TLL1: variants seen among roughly 807,000 people sequenced by gnomAD.
TLL1 encodes the protein tolloid like 1, also known as tolloid-like protein 1.
TLL1 carries 49 observed loss-of-function variants against 128.2 expected under a neutral mutation model. That is an observed-to-expected ratio of 0.38 (90% CI 0.30 to 0.48). The LOEUF (loss-of-function observed/expected upper bound fraction) is 0.48, where lower values mean the gene tolerates loss of function less well. Ranked by LOEUF, TLL1 falls within the 20% of genes least tolerant of loss-of-function variation. TLL1 has a pLI of 0.96. For missense variants in TLL1, 1,123 were observed against 1,242.0 expected (o/e 0.90, Z 1.44); for synonymous variants, 454 against 418.8 (o/e 1.08, Z -1.03).
At chr4:165,943,719 T>C (rs1399361692) in intron 1 of TLL1, among the ~76,000 whole-genome samples, 1 of 152,080 alleles carries the variant, frequency 6.6e-6, no homozygotes, top group Non-Finnish European at 1.5e-5. Flanking sequence ...TGAAAAAAAA[T>C]GCATCTACTA....
At chr4:165,971,191 A>C (rs1332167247) in intron 1 of TLL1, among the ~76,000 whole-genome samples, 1 of 152,186 alleles carries the variant, frequency 6.6e-6, no homozygotes, top group Non-Finnish European at 1.5e-5. Context: ...CCCCGCTAAG[A>C]TTATTCAGTG....
At chr4:166,052,906 T>C (rs1739810905) in intron 12 of TLL1, among the ~76,000 whole-genome samples, 1 of 142,052 alleles carries the variant, frequency 7.0e-6, no homozygotes, top group Non-Finnish European at 1.5e-5. Flanking sequence ...TGTTCTCATA[T>C]TTATAGAGAA....
intron 1 of TLL1, among the ~76,000 whole-genome samples, chr4:165,882,904 G>T (rs1305084641): frequency 6.6e-6 from 1 of 151,866 alleles, no homozygotes; most frequent in Non-Finnish European, 1.5e-5. Flanking sequence ...TGAGCAGTTT[G>T]CTGGGTGAAC....
At chr4:166,023,213 A>G (rs928024423) in intron 8 of TLL1, among the ~76,000 whole-genome samples, 11 of 152,322 alleles carry the variant, frequency 7.2e-5, no homozygotes, top group African/African-American at 2.4e-4. Flanking sequence ...AGCCTGTCCA[A>G]CATGGTGAAA....
At chr4:166,045,679 C>T (rs540280142) in intron 12 of TLL1, among the ~76,000 whole-genome samples, 1 of 152,202 alleles carries the variant, frequency 6.6e-6, no homozygotes, top group Non-Finnish European at 1.5e-5. Flanking sequence ...TTATCATGGG[C>T]CACGGTACTT....
chr4:165,941,592 A>C (rs192083944), intron 1 of TLL1, among the ~76,000 whole-genome samples: 127 of 152,272 alleles, frequency 8.3e-4, no homozygotes, highest in African/African-American at 2.8e-3. Flanking sequence ...ATTACTCCTT[A>C]ACAAATTGTT....
intron 1 of TLL1, among the ~76,000 whole-genome samples, chr4:165,954,999 G>A (rs942257014): frequency 1.3e-5 from 2 of 152,082 alleles, no homozygotes; most frequent in Admixed American, 6.6e-5. Context: ...TTAAGATTCA[G>A]GAGAAAGTTG....
At chr4:166,018,670 A>G (rs1359802830) in intron 8 of TLL1, among the ~76,000 whole-genome samples, 1 of 152,192 alleles carries the variant, frequency 6.6e-6, no homozygotes, top group East Asian at 1.9e-4. Flanking sequence ...TCTCAAAAGA[A>G]GAGATACAAT....
At chr4:166,051,716 C>T (rs559794880) in intron 12 of TLL1, among the ~76,000 whole-genome samples, 12 of 152,018 alleles carry the variant, frequency 7.9e-5, no homozygotes, top group African/African-American at 1.4e-4. Context: ...AGGTAATTGA[C>T]GAGATATCTA....
chr4:166,012,499 C>T (rs539513019), intron 7 of TLL1, among the ~76,000 whole-genome samples: 1 of 150,122 alleles, frequency 6.7e-6, no homozygotes, highest in South Asian at 2.1e-4. Context: ...AGGAAAAAAT[C>T]GAACCCCAGA....
chr4:165,914,908 C>T (rs545987715), intron 1 of TLL1, among the ~76,000 whole-genome samples: 3 of 152,154 alleles, frequency 2.0e-5, no homozygotes, highest in East Asian at 1.9e-4. Context: ...GACATCAGAT[C>T]GGTACTTCTA....
At chr4:166,068,579 C>T (rs541904968) in intron 16 of TLL1, among the ~76,000 whole-genome samples, 2 of 151,902 alleles carry the variant, frequency 1.3e-5, no homozygotes, top group Admixed American at 1.3e-4. Flanking sequence ...GATTTATTGT[C>T]ACAAATTCTA....
chr4:165,909,152 A>G (rs371491895), intron 1 of TLL1, among the ~76,000 whole-genome samples: 1 of 152,068 alleles, frequency 6.6e-6, no homozygotes, highest in African/African-American at 2.4e-5. Context: ...GTGCCACTGC[A>G]CTCCAGTCTG....
chr4:165,903,236 G>T (rs572077880), intron 1 of TLL1, among the ~76,000 whole-genome samples: 1 of 152,074 alleles, frequency 6.6e-6, no homozygotes, highest in South Asian at 2.1e-4. Context: ...TACTCAGGAG[G>T]CTGAGGCAGG....
intron 12 of TLL1, among the ~76,000 whole-genome samples, chr4:166,043,720 T>G (rs28678725): frequency 0.044 from 6,652 of 152,218 alleles, 498 homozygotes; most frequent in African/African-American, 0.15. Context: ...TTCACAAGAG[T>G]GTCCATTAAG....
rs369232332 is a variant in TLL1, at chr4:166,100,943, C to A, written c.*67C>A. 6 of 1,574,202 alleles carry A rather than the reference C, an allele frequency of 3.8e-6. No individual in the cohort carries two copies. The highest frequency in any genetic ancestry group is 1.8e-4 in the Middle Eastern group (1 of 5,536). ...GAGAGAAGACATATTTTTTTTAAAA[C>A]TGAAGATATTGGCACAAATGTTTTA... On this transcript the variant is annotated 3_prime_UTR_variant, in exon 21 of 21. Coordinates refer to ENST00000061240, the MANE Select transcript of TLL1 (RefSeq NM_012464.5).
chr4:165,986,992 A>T (rs1042132942), intron 1 of TLL1, among the ~76,000 whole-genome samples: 3 of 152,168 alleles, frequency 2.0e-5, no homozygotes, highest in Admixed American at 2.0e-4. Context: ...AATAAAGATG[A>T]TGACAATGAT....
chr4:166,040,931 C>T (rs941673035), intron 10 of TLL1, among the ~76,000 whole-genome samples: 1 of 152,106 alleles, frequency 6.6e-6, no homozygotes, highest in Admixed American at 6.5e-5. Context: ...AGAATTATTG[C>T]ATGTGCTTTG....
chr4:166,038,191 T>G (rs760498481), intron 9 of TLL1, among the ~76,000 whole-genome samples: 7 of 152,206 alleles, frequency 4.6e-5, no homozygotes, highest in Non-Finnish European at 8.8e-5. Context: ...ATTATGTTTT[T>G]ATTTTCCTTC....
Sources: allele counts gnomAD v4.1 joint callset (sites outside exome capture counted in the v4.1 genomes callset), GRCh38; gene constraint gnomAD v4.1.1; transcripts MANE v1.5; gene names NCBI Gene and HGNC (gene_info 2026-07-23, HGNC 2026-07-21).